Variants in PSIP1 observed in about 807,000 individuals in gnomAD.
PSIP1 encodes the protein PC4 and SFRS1-interacting protein.
A neutral mutation model predicts 74.7 loss-of-function variants in PSIP1; 19 were observed. That is an observed-to-expected ratio of 0.25 (90% confidence interval 0.18 to 0.37). PSIP1 has a LOEUF of 0.37. Ranked by LOEUF, PSIP1 falls within the 10% of genes least tolerant of loss-of-function variation. PSIP1 has a pLI of 1.00. For synonymous variants in PSIP1, 222 were observed against 195.3 expected (o/e 1.14, Z -1.14); for missense variants, 601 against 614.3 (o/e 0.98, Z 0.23).
chr9:15,464,482 A>G lies in PSIP1; in HGVS notation c.*1038T>C, dbSNP rs2035474534. ...ATTTTACCCTGGATTTAGTCCATAC[A>G]CGTCAATGTACAGACTTATCAAAGT... On this transcript the variant is annotated 3_prime_UTR_variant, in exon 16 of 16. Transcript: ENST00000380733. 1 of 201,128 alleles carries G rather than the reference A, an allele frequency of 5.0e-6. No individual in the cohort carries two copies. Among genetic ancestry groups the G allele is most frequent in the South Asian group, 1.9e-4 (1 of 5,248 alleles). 12.5% of individuals were successfully genotyped at this position (201,128 alleles called of 1,614,324 possible).
At chr9:15,487,059 G>A (rs2036587680) in intron 4 of PSIP1, 128 bp from the exon 5 acceptor site, 3 of 519,616 alleles carry the variant, frequency 5.8e-6, no homozygotes, top group South Asian at 6.2e-5. Flanking sequence ...AGGCAGTGGC[G>A]CAATTATGGT....
Position 15,510,946 on chromosome 9 carries a change from C to CTGCCGCCGCCGT in PSIP1, c.-283_-272dup, listed in dbSNP as rs2037844594. The CTGCCGCCGCCGT allele has an allele frequency of 6.5e-6, 1 of 153,392 alleles. No homozygotes were observed. The highest frequency in any genetic ancestry group is 1.9e-4 in the East Asian group (1 of 5,216). The allele number at this position is 153,392 out of a possible 1,614,324, so 9.5% of individuals were successfully genotyped here. On this transcript the variant is annotated 5_prime_UTR_variant, in exon 1 of 16. Transcript: ENST00000380733. ...GCTCGGAATCGCAACCGCGCCGCCG[C>CTGCCGCCGCCGT]TGCCGCCGCCGTAGCTGCGCTGCTC...
rs778855082 is a variant in PSIP1, at chr9:15,474,102, T to C, written c.765A>G (p.Lys255=). ...AATTTTTCCTTTTTGATTCAACTTC[T>C]TTCTTCCCCTCTTTTTTATCCGGCT... ...RKEPDKKEGK[K]EVESKRKNLA... is the part of the protein sequence containing the mutation. Residue 255 remains lysine, a synonymous_variant, in exon 9 of 16, where the codon AAA becomes AAG. Transcript: ENST00000380733. The C allele has an allele frequency of 2.5e-6, 4 of 1,613,786 alleles. No individual in the cohort carries two copies. The Admixed American group carries it at 5.0e-5, about 20-fold the overall frequency.
intron 9 of PSIP1, 72 bp from the exon 10 acceptor site, chr9:15,472,822 G>A (rs1235491372): frequency 7.2e-7 from 1 of 1,388,836 alleles, no homozygotes; most frequent in Non-Finnish European, 9.8e-7. Context: ...TTATAATCTT[G>A]GGGGAAAAGC....
chr9:15,482,105 G>A (rs1006125475), intron 6 of PSIP1, among the ~76,000 whole-genome samples: 2 of 151,752 alleles, frequency 1.3e-5, no homozygotes, highest in African/African-American at 4.8e-5. Flanking sequence ...CAGCTTCCTT[G>A]ATCTTAACTA....
At position 15,472,613 on chromosome 9, in the gene PSIP1, G is replaced by GA. The variant is rs113876575; in HGVS notation, c.977+18dup. The GA allele has an allele frequency of 0.016, 16,174 of 1,040,218 alleles. 2 individuals carry two copies. Among genetic ancestry groups the GA allele is most frequent in the South Asian group, 0.029 (1,594 of 54,964 alleles). The allele number at this position is 1,040,218 out of a possible 1,614,324, so 64.4% of individuals were successfully genotyped here. A position where few individuals can be genotyped will look rare whatever the true frequency, so the allele number is the denominator to read the frequency against. ...GCCTTTAAAAAGAACCCAAAATTTA[G>GA]AAAAAAAAAAATACTTACTGCTCAG... On this transcript the variant is annotated intron_variant, in intron 10 of 15. Coordinates refer to ENST00000380733, the MANE Select transcript of PSIP1 (RefSeq NM_033222.5).
At chr9:15,469,106 TAAAC>T (rs748482554) in intron 12 of PSIP1, 48 bp from the exon 13 acceptor site, 100 of 1,531,252 alleles carry the variant, frequency 6.5e-5, no homozygotes, top group Middle Eastern at 1.7e-4. Context: ...TCTTAACACT[TAAAC>T]AATCTGTTTC....
rs547783540 is a variant in PSIP1, at chr9:15,474,797, TACTA to T, written c.630-564_630-561del. Among the ~76,000 whole-genome samples, 41 of 152,268 alleles carry T rather than the reference TACTA, an allele frequency of 2.7e-4. No individual in the cohort carries two copies. The South Asian group carries it at 3.5e-3, about 13-fold the overall frequency. On this transcript the variant is annotated intron_variant, in intron 8 of 15. Transcript: ENST00000380733. ...CTCTAGGAGAATCAAATAATGCAAA[TACTA>T]ACCACGTAATTACTTTTATGGTTGA... is the stretch of plus-strand genomic sequence containing the variant.
chr9:15,496,552 AC>A (rs2037084106), intron 3 of PSIP1, among the ~76,000 whole-genome samples: 1 of 152,198 alleles, frequency 6.6e-6, no homozygotes, highest in African/African-American at 2.4e-5. Flanking sequence ...TTTTACGTGT[AC>A]CTTTTCACTA....
Position 15,472,626 on chromosome 9 carries a change from A to G in PSIP1, c.977+6T>C, listed in dbSNP as rs1418379325. ...ACCCAAAATTTAGAAAAAAAAAAAT[A>G]CTTACTGCTCAGTTTCCATTTGTTC... On this transcript the variant is annotated splice_donor_region_variant and intron_variant, in intron 10 of 15. Transcript: ENST00000380733. 9 of 1,567,814 alleles carry G rather than the reference A, an allele frequency of 5.7e-6. No homozygotes were observed. Among genetic ancestry groups the G allele is most frequent in the Admixed American group, 2.2e-5 (1 of 45,686 alleles).
intron 10 of PSIP1, chr9:15,470,900 A>G (rs2035795870): frequency 1.9e-6 from 2 of 1,047,224 alleles, no homozygotes; most frequent in South Asian, 4.3e-5. Context: ...GCTTGTTATT[A>G]CTTTCAAACA....
chr9:15,505,482 C>T (rs1343846184), intron 3 of PSIP1: 2 of 152,092 alleles, frequency 1.3e-5, no homozygotes, highest in Admixed American at 1.3e-4. Context: ...ATGATGAAGG[C>T]CAAACCAATT....
chr9:15,488,870 A>C (rs2036685758), intron 4 of PSIP1, among the ~76,000 whole-genome samples: 3 of 152,194 alleles, frequency 2.0e-5, no homozygotes, highest in Non-Finnish European at 4.4e-5. Flanking sequence ...AAATACAAAA[A>C]ATTAGCCGGG....
chr9:15,478,982 A>G (rs897437467), intron 7 of PSIP1, among the ~76,000 whole-genome samples: 9 of 152,054 alleles, frequency 5.9e-5, no homozygotes, highest in African/African-American at 2.2e-4. Flanking sequence ...CTGCAATATT[A>G]AACTCCAAAA....
intron 10 of PSIP1, chr9:15,470,949 A>C (rs1219739734): frequency 1.0e-5 from 12 of 1,151,252 alleles, no homozygotes; most frequent in African/African-American, 1.6e-5. Context: ...AAAAAAAAAA[A>C]AAAAAAAAAC....
chr9:15,473,894 C>G (rs2035949827), intron 9 of PSIP1, 115 bp downstream of exon 9: 1 of 766,048 alleles, frequency 1.3e-6, no homozygotes, highest in African/African-American at 2.0e-5. Flanking sequence ...CAGCGAGACT[C>G]CATCTCAAAC....
intron 5 of PSIP1, among the ~76,000 whole-genome samples, chr9:15,486,572 C>T (rs950106664): frequency 2.6e-5 from 4 of 152,218 alleles, no homozygotes; most frequent in South Asian, 4.2e-4. Context: ...TTAACACTAC[C>T]GCACCCTACA....
At chr9:15,476,459 G>T (rs1335007699) in intron 8 of PSIP1, among the ~76,000 whole-genome samples, 1 of 152,162 alleles carries the variant, frequency 6.6e-6, no homozygotes, top group Non-Finnish European at 1.5e-5. Context: ...GACTATCAAG[G>T]TGAATTTGAT....
intron 3 of PSIP1, chr9:15,506,094 A>G (rs1418885965): frequency 6.5e-6 from 1 of 152,794 alleles, no homozygotes; most frequent in Non-Finnish European, 1.5e-5. Flanking sequence ...CTCTGCCCAC[A>G]TACCCACCAG....
Sources: gnomAD v4.1 joint callset for allele counts (sites outside exome capture counted in the v4.1 genomes callset) on GRCh38, gnomAD v4.1.1 for gene constraint, MANE v1.5 for transcripts, NCBI Gene and HGNC (gene_info 2026-07-23, HGNC 2026-07-21) for gene names.